Variants in POLRMT observed in about 807,000 individuals in gnomAD.
The protein encoded by POLRMT is DNA-directed RNA polymerase, mitochondrial.
A neutral mutation model predicts 132.2 loss-of-function variants in POLRMT; 114 were observed. The observed-to-expected ratio is 0.86, with a 90% CI of 0.74 to 1.01. The LOEUF is 1.01. Among genes scored for constraint, POLRMT ranks in the 50% least tolerant of loss-of-function variants. POLRMT has a pLI of 0.00. For synonymous variants in POLRMT, 1,020 were observed against 773.4 expected (o/e 1.32, Z -5.29); for missense variants, 2,003 against 1,729.1 (o/e 1.16, Z -2.81).
At chr19:624,584 G>A (rs1984880874) in intron 5 of POLRMT, 135 bp downstream of exon 5, 1 of 1,000,416 alleles carries the variant, frequency 1.0e-6, no homozygotes, top group African/African-American at 1.6e-5. Flanking sequence ...TCTCAGAGGA[G>A]GAAGGGAGGA....
At chr19:621,916 G>C in intron 9 of POLRMT, 70 bp from the exon 10 acceptor site, 2 of 1,525,320 alleles carry the variant, frequency 1.3e-6, no homozygotes, top group South Asian at 1.2e-5. Flanking sequence ...CCTTAAACTT[G>C]GGTGAGAGGG....
At chr19:625,351 G>A in intron 3 of POLRMT, 97 bp from the exon 4 acceptor site, 2 of 1,524,396 alleles carry the variant, frequency 1.3e-6, no homozygotes, top group Non-Finnish European at 1.8e-6. Context: ...CACCAGCTCA[G>A]CAGGGGACAG....
intron 4 of POLRMT, 25 bp from the exon 5 acceptor site, chr19:624,930 G>A (rs781410077): frequency 6.9e-6 from 11 of 1,588,780 alleles, no homozygotes; most frequent in Non-Finnish European, 9.4e-6. Flanking sequence ...GCCTGCTCGA[G>A]GGACGGGCCA....
At position 623,364 on chromosome 19, in the gene POLRMT, G is replaced by C. The variant is rs1016973327; in HGVS notation, c.1290+90C>G. On this transcript the variant is annotated intron_variant, in intron 6 of 20. Coordinates refer to ENST00000588649, the MANE Select transcript of POLRMT (RefSeq NM_005035.4). The stretch of plus-strand genomic sequence containing the variant: ...GCGACCCCGGCTCAGCCCCTGCGGC[G>C]GACACGGGACCCCGGCTCAGCCCGT... The C allele has an allele frequency of 3.2e-6, 5 of 1,544,184 alleles. No homozygotes were observed. In the South Asian group the frequency reaches 4.8e-5, roughly 15 times the overall value.
rs764015070 is a variant in POLRMT at position 621,445 on chromosome 19, C to G, written c.2253G>C (p.Ala751=). 7 of 1,413,858 alleles carry G rather than the reference C, an allele frequency of 5.0e-6. No homozygotes were observed. The highest frequency in any genetic ancestry group is 6.4e-6 in the Non-Finnish European group (7 of 1,091,008). The allele number at this position is 1,413,858 out of a possible 1,614,324, so 87.6% of individuals were successfully genotyped here. The change falls in exon 10 of 21, where the codon GCG becomes GCC. Residue 751 remains alanine (A), a synonymous_variant. Coordinates refer to ENST00000588649, the MANE Select transcript of POLRMT (RefSeq NM_005035.4). ...PPEAHLPHSA[A]PARKAELRRE... is the part of the protein sequence containing the mutation. Reference sequence around the variant, plus strand: ...GGCGCAGCTCGGCCTTGCGGGCGGGCGCGGCGCTGTGCGGCAGGTGGGCCT... The same window carrying G: ...GGCGCAGCTCGGCCTTGCGGGCGGGGGCGGCGCTGTGCGGCAGGTGGGCCT...
intron 5 of POLRMT, among the ~76,000 whole-genome samples, chr19:623,858 G>A (rs765968013): frequency 3.9e-5 from 6 of 152,200 alleles, no homozygotes; most frequent in Non-Finnish European, 8.8e-5. Flanking sequence ...CGGTGATGCT[G>A]GGAGCTGGCA....
chr19:630,350 A>G (rs1402486552), intron 2 of POLRMT, among the ~76,000 whole-genome samples, 182 bp from the exon 3 acceptor site: 1 of 151,284 alleles, frequency 6.6e-6, no homozygotes, highest in African/African-American at 2.4e-5. Flanking sequence ...AGACACACGC[A>G]CCCCACCACC....
chr19:624,289 G>GGAGTGAC (rs957998766), intron 5 of POLRMT, among the ~76,000 whole-genome samples: 5 of 152,228 alleles, frequency 3.3e-5, no homozygotes, highest in African/African-American at 1.2e-4. Context: ...GAGGGGATGG[G>GGAGTGAC]GAGTGACGGG....
Position 621,302 on chromosome 19 carries a change from T to C in POLRMT, c.2396A>G (p.Asn799Ser), listed in dbSNP as rs1426123827. The change falls in exon 10 of 21, where the codon AAC becomes AGC. Residue 799 changes from asparagine to serine, a missense_variant. By Grantham distance (46) the Asn-to-Ser change is conservative. Coordinates refer to ENST00000588649, the MANE Select transcript of POLRMT (RefSeq NM_005035.4). Reference sequence around the variant, plus strand: ...GTAGGTGCGGCCGCGGAAGTCCATGTTGTGCGGCAGCCAGAAGACGCGGTC... The same window carrying C: ...GTAGGTGCGGCCGCGGAAGTCCATGCTGTGCGGCAGCCAGAAGACGCGGTC... ...LRDRVFWLPH[N>S]MDFRGRTYPC... 6.2e-7 allele frequency: 1 copy of C among 1,601,860 alleles called. No individual in the cohort carries two copies. Among genetic ancestry groups the C allele is most frequent in the East Asian group, 2.2e-5 (1 of 44,654 alleles).
In POLRMT at chr19:620,261, C is replaced by T. The variant is rs544190882; in HGVS notation, c.2763+104G>A. On this transcript the variant is annotated intron_variant, in intron 11 of 20. Transcript: ENST00000588649. ...TGGCTCCCGCACACTCTAGGACCAC[C>T]TCCAGAGAATACCACGAGCGAAGGT... 190 of 1,460,048 alleles carry T rather than the reference C, an allele frequency of 1.3e-4. 2 individuals are homozygous for T. Among genetic ancestry groups the T allele is most frequent in the South Asian group, 1.2e-3 (90 of 72,212 alleles). The allele number at this position is 1,460,048 out of a possible 1,614,324, so 90.4% of individuals were successfully genotyped here. A position where few individuals can be genotyped will look rare whatever the true frequency, so the allele number is the denominator to read the frequency against.
intron 5 of POLRMT, among the ~76,000 whole-genome samples, chr19:624,084 G>A (rs906265821): frequency 9.9e-5 from 15 of 152,204 alleles, no homozygotes; most frequent in Non-Finnish European, 1.9e-4. Context: ...ACAGCCCAAC[G>A]TCCCATAAAC....
At position 622,984 on chromosome 19, in the gene POLRMT, CGCT is replaced by C; in HGVS notation, c.1291-2_1291del. The C allele has an allele frequency of 6.2e-7, 1 of 1,612,102 alleles. No individual in the cohort carries two copies. On this transcript the variant is annotated splice_acceptor_variant and coding_sequence_variant, in exon 7 of 21. Transcript: ENST00000588649. LOFTEE classifies it high-confidence loss of function. ...GTCCCGCAGGGTCTTCAGGGTCTTCCGCTGCGGGGGATGAACGGGCCCGGTGAG... is the reference window on the plus strand; with the variant it reads ...GTCCCGCAGGGTCTTCAGGGTCTTCCGCGGGGGATGAACGGGCCCGGTGAG...
At chr19:633,340 G>C in intron 1 of POLRMT, 85 bp downstream of exon 1, 1 of 1,367,828 alleles carries the variant, frequency 7.3e-7, no homozygotes, top group African/African-American at 1.5e-5. Context: ...AAGAGGCAAA[G>C]GTCAAAGCGC....
Position 621,315 on chromosome 19 carries a change from A to G in POLRMT, c.2383T>C (p.Trp795Arg). 5 of 1,597,808 alleles carry G rather than the reference A, an allele frequency of 3.1e-6. No homozygotes were observed. Among genetic ancestry groups the G allele is most frequent in the East Asian group, 2.2e-5 (1 of 44,560 alleles). Residue 795 changes from tryptophan (W) to arginine (R), a missense_variant, in exon 10 of 21, where the codon TGG (tryptophan) becomes CGG (arginine). Trp to Arg is a moderately radical substitution (Grantham distance 101, BLOSUM62 -3). Transcript: ENST00000588649. ...CGGAAGTCCATGTTGTGCGGCAGCC[A>G]GAAGACGCGGTCCCGCAGGTGCTGC... ...LAQHLRDRVFWLPHNMDFRGR... is the reference protein window; with the variant it reads ...LAQHLRDRVFRLPHNMDFRGR...
At position 622,932 on chromosome 19, in the gene POLRMT, C is replaced by T. The variant is rs747523721; in HGVS notation, c.1344G>A (p.Ala448=). The change falls in exon 7 of 21, where the codon GCG becomes GCA. Residue 448 remains alanine, a synonymous_variant. Coordinates refer to ENST00000588649, the MANE Select transcript of POLRMT (RefSeq NM_005035.4). ...RDQWEKALCR[A]LRETKNRLER... ...CTAGGCGGTTCTTGGTCTCCCGCAG[C>T]GCCCGGCACAGTGCTTTCTCCCATT... 7 of 1,612,804 alleles carry T rather than the reference C, an allele frequency of 4.3e-6. No homozygotes were observed. The highest frequency in any genetic ancestry group is 1.3e-5 in the African/African-American group (1 of 74,936).
At chr19:627,924 C>CAAAAAAA (rs35674455) in intron 3 of POLRMT, among the ~76,000 whole-genome samples, 6 of 101,852 alleles carry the variant, frequency 5.9e-5, no homozygotes, top group Admixed American at 2.2e-4. Flanking sequence ...GAGTCTATCT[C>CAAAAAAA]AAAAAAAAAA....
chr19:617,880 G>C (rs1984127341), intron 17 of POLRMT, 31 bp from the exon 18 acceptor site: 1 of 1,607,120 alleles, frequency 6.2e-7, no homozygotes, highest in Non-Finnish European at 8.5e-7. Context: ...CCTGAAGGGA[G>C]GGGAGCTCAC....
chr19:621,647 A>C lies in POLRMT; in HGVS notation c.2051T>G (p.Leu684Arg). The C allele has an allele frequency of 2.6e-6, 4 of 1,537,070 alleles. No individual in the cohort carries two copies. The highest frequency in any genetic ancestry group is 3.5e-6 in the Non-Finnish European group (4 of 1,145,056). ...CAGCGCGGTGGGCGGGCAGGTTTCCAGCAGCTCCTGGTGCTGCGTGGCGCC... is the reference window on the plus strand; with the variant it reads ...CAGCGCGGTGGGCGGGCAGGTTTCCCGCAGCTCCTGGTGCTGCGTGGCGCC... ...VEGATQHQEL[L>R]ETCPPTALHG... The change falls in exon 10 of 21, where the codon CTG (leucine) becomes CGG (arginine). Residue 684 changes from leucine to arginine, a missense_variant. Coordinates refer to ENST00000588649, the MANE Select transcript of POLRMT (RefSeq NM_005035.4).
Position 625,254 on chromosome 19 carries a change from C to G in POLRMT, c.823G>C (p.Gly275Arg), listed in dbSNP as rs576840960. 1.7e-5 allele frequency: 28 copies of G among 1,613,646 alleles called. No homozygotes were observed. The Middle Eastern group carries it at 6.6e-4, about 38-fold the overall frequency. Residue 275 changes from glycine to arginine, a missense_variant and splice_region_variant, in exon 4 of 21, where the codon GGT becomes CGT. Transcript: ENST00000588649. ...ACATATACCAGCTCCTTGAAGGCAC[C>G]CTGGGAGACCAAGCCAGGGTGAGGG... is the stretch of plus-strand genomic sequence containing the variant. ...NAVMLGWARQ[G>R]AFKELVYVLF...
Sources: allele counts gnomAD v4.1 joint callset (sites outside exome capture counted in the v4.1 genomes callset), GRCh38; gene constraint gnomAD v4.1.1; transcripts MANE v1.5; gene names NCBI Gene and HGNC (gene_info 2026-07-23, HGNC 2026-07-21).